CTRB1: variants seen among roughly 807,000 people sequenced by gnomAD.
CTRB1 encodes the protein chymotrypsinogen B.
In CTRB1, 15 loss-of-function variants were observed where a neutral mutation model predicts 20.4. That is an observed-to-expected ratio of 0.74 (90% CI 0.49 to 1.13). The LOEUF (loss-of-function observed/expected upper bound fraction) is 1.13. Among genes scored for constraint, CTRB1 ranks in the 50% most tolerant of loss-of-function variants. The pLI, the probability that CTRB1 is intolerant of heterozygous loss-of-function variation, is 0.00. For synonymous variants in CTRB1, 92 were observed against 128.4 expected, an observed-to-expected ratio of 0.72 and a Z score of 1.92; for missense variants, 227 against 290.1, an observed-to-expected ratio of 0.78 and a Z score of 1.58.
intron 1 of CTRB1, among the ~76,000 whole-genome samples, chr16:75,221,645 C>T (rs946344352): frequency 1.3e-5 from 2 of 152,030 alleles, no homozygotes; most frequent in Non-Finnish European, 2.9e-5. Flanking sequence ...CAGGCGTGAG[C>T]CACTGTGCTG....
chr16:75,219,975 A>G (rs777506038), intron 1 of CTRB1, among the ~76,000 whole-genome samples: 35 of 152,040 alleles, frequency 2.3e-4, no homozygotes, highest in Non-Finnish European at 4.6e-4. Context: ...ACGGTATTCT[A>G]TCCTGTTTTT....
intron 1 of CTRB1, among the ~76,000 whole-genome samples, chr16:75,220,881 C>G (rs557361162): frequency 4.1e-4 from 63 of 152,222 alleles, no homozygotes; most frequent in African/African-American, 1.4e-3. Context: ...GCCTCAGCCT[C>G]CTGAGTAGCT....
intron 1 of CTRB1, 103 bp from the exon 2 acceptor site, chr16:75,222,665 C>T: frequency 7.6e-7 from 1 of 1,309,966 alleles, no homozygotes; most frequent in South Asian, 1.5e-5. Flanking sequence ...AGGTCCTGAG[C>T]TGGCTTCAGT....
rs115013485 is a variant in CTRB1 at position 75,219,097 on chromosome 16, C to T, written c.52+38C>T. 2,579 of 1,560,204 alleles carry T rather than the reference C, an allele frequency of 1.7e-3. 36 individuals carry two copies. In the African/African-American group the frequency reaches 0.031, roughly 19 times the overall value. On this transcript the variant is annotated intron_variant, in intron 1 of 6. Coordinates refer to ENST00000361017, the MANE Select transcript of CTRB1 (RefSeq NM_001906.6). ...GCCCGAGGGGTCTGTCCTGAGGGAG[C>T]CCTGAGCCTGGCTGAGAGGGGGATC... is the stretch of plus-strand genomic sequence containing the variant.
At chr16:75,221,392 C>G (rs980578823) in intron 1 of CTRB1, among the ~76,000 whole-genome samples, 7 of 151,778 alleles carry the variant, frequency 4.6e-5, no homozygotes, top group Non-Finnish European at 8.8e-5. Context: ...TGGAGTTTGG[C>G]TCTGTCACCC....
At chr16:75,220,861 C>G (rs1044393664) in intron 1 of CTRB1, among the ~76,000 whole-genome samples, 4 of 152,058 alleles carry the variant, frequency 2.6e-5, no homozygotes, top group Admixed American at 1.3e-4. Context: ...CAGGTTCAAG[C>G]ATTTCTCCTG....
intron 1 of CTRB1, among the ~76,000 whole-genome samples, chr16:75,221,225 G>T (rs537374125): frequency 7.2e-5 from 11 of 152,146 alleles, no homozygotes; most frequent in Non-Finnish European, 2.9e-5. Flanking sequence ...GTTGGCCCGC[G>T]CACAGGAGTC....
chr16:75,224,617 G>T (rs942022622), intron 6 of CTRB1, 88 bp from the exon 7 acceptor site: 4 of 1,435,926 alleles, frequency 2.8e-6, no homozygotes, highest in Non-Finnish European at 3.8e-6. Context: ...TGGGGTCCTG[G>T]ACTGGACTCT....
In CTRB1 at chr16:75,222,758, TC is replaced by T; in HGVS notation, c.53-3del. 8.4e-6 allele frequency: 13 copies of T among 1,555,860 alleles called. No homozygotes were observed. The highest frequency in any genetic ancestry group is 1.9e-5 in the Admixed American group (1 of 51,290). ...GGGCCTCAGCCCTTATTCACCCCAC[TC>T]CCCCCCAGGCTGCGGGGTCCCCGCC... On this transcript the variant is annotated splice_polypyrimidine_tract_variant and intron_variant, in intron 1 of 6. Coordinates refer to ENST00000361017, the MANE Select transcript of CTRB1 (RefSeq NM_001906.6).
rs2039067206 is a variant in CTRB1 at position 75,220,426 on chromosome 16, C to T, written c.52+1367C>T. 2.6e-5 allele frequency among the ~76,000 whole-genome samples: 4 copies of T among 152,190 alleles called. 1 individual carries two copies. Among genetic ancestry groups the T allele is most frequent in the Middle Eastern group, 6.3e-3 (2 of 316 alleles). On this transcript the variant is annotated intron_variant, in intron 1 of 6. Transcript: ENST00000361017. ...CTTGAACTCCTAACCTCCAGTGATC[C>T]GCCCACCTCAGCCTCCCAAAGTGAT... is the stretch of plus-strand genomic sequence containing the variant.
At chr16:75,219,407 T>TC (rs1298658313) in intron 1 of CTRB1, among the ~76,000 whole-genome samples, 1 of 151,884 alleles carries the variant, frequency 6.6e-6, no homozygotes, top group African/African-American at 2.4e-5. Context: ...TTTTTTTTTT[T>TC]CGAGACAGAA....
At position 75,224,856 on chromosome 16, in the gene CTRB1, C is replaced by T. The variant is rs373142319; in HGVS notation, c.782C>T (p.Ala261Val). 19 of 1,613,770 alleles carry T rather than the reference C, an allele frequency of 1.2e-5. No homozygotes were observed. Among genetic ancestry groups the T allele is most frequent in the African/African-American group, 1.1e-4 (8 of 74,946 alleles). ...ATACCTTGGGTGCAGAAGATCCTGG[C>T]TGCCAACTGAGCCCGCGGCTCCCTC... Reference protein sequence around the residue: ...KLIPWVQKILAAN With the variant: ...KLIPWVQKILVAN The change falls in exon 7 of 7, where the codon GCT (alanine) becomes GTT (valine). Residue 261 changes from alanine to valine, a missense_variant. Transcript: ENST00000361017.
At chr16:75,220,689 C>G (rs1306168046) in intron 1 of CTRB1, among the ~76,000 whole-genome samples, 1 of 152,246 alleles carries the variant, frequency 6.6e-6, no homozygotes, top group African/African-American at 2.4e-5. Context: ...CGTGGAGTTT[C>G]AGCTCATTCA....
At position 75,224,762 on chromosome 16, in the gene CTRB1, A is replaced by C. The variant is rs200547634; in HGVS notation, c.688A>C (p.Ile230Leu). 1 of 1,613,818 alleles carries C rather than the reference A, an allele frequency of 6.2e-7. No homozygotes were observed. Among genetic ancestry groups the C allele is most frequent in the Admixed American group, 1.7e-5 (1 of 60,008 alleles). ...GGATGGAGCCTGGACCCTGGTGGGC[A>C]TTGTGTCCTGGGGCAGCGACACCTG... is the stretch of plus-strand genomic sequence containing the variant. Reference protein sequence around the residue: ...QKDGAWTLVGIVSWGSDTCST... With the variant: ...QKDGAWTLVGLVSWGSDTCST... Residue 230 changes from isoleucine to leucine, a missense_variant, in exon 7 of 7, where the codon ATT becomes CTT. This residue lies in a region of CTRB1 where 108 missense variants were observed against 76.9 expected (regional missense o/e 1.41). Transcript: ENST00000361017.
chr16:75,219,115 G>A (rs2039042482), intron 1 of CTRB1, 56 bp downstream of exon 1: 2 of 1,536,008 alleles, frequency 1.3e-6, no homozygotes, highest in South Asian at 1.2e-5. Flanking sequence ...CTGGCTGAGA[G>A]GGGGATCTGA....
Position 75,224,042 on chromosome 16 carries a change from T to C in CTRB1, c.497-13T>C, listed in dbSNP as rs1309889526. 9.1e-6 allele frequency: 9 copies of C among 989,504 alleles called. No individual in the cohort carries two copies. Among genetic ancestry groups the C allele is most frequent in the Non-Finnish European group, 1.3e-5 (9 of 687,954 alleles). 61.3% of individuals were successfully genotyped at this position (989,504 alleles called of 1,614,324 possible). ...GTGAGCCCAGGGGCCCTGACCCTCC[T>C]CCTGTCCTGCAGCCAACAAGACCCC... On this transcript the variant is annotated splice_polypyrimidine_tract_variant and intron_variant, in intron 5 of 6. Transcript: ENST00000361017.
Position 75,224,854 on chromosome 16 carries a change from G to A in CTRB1, c.780G>A (p.Leu260=). The A allele has an allele frequency of 6.2e-7, 1 of 1,613,874 alleles. No individual in the cohort carries two copies. The highest frequency in any genetic ancestry group is 2.2e-5 in the East Asian group (1 of 44,886). ...TCATACCTTGGGTGCAGAAGATCCT[G>A]GCTGCCAACTGAGCCCGCGGCTCCC... ...TKLIPWVQKI[L]AAN is the part of the protein sequence containing the mutation. Residue 260 remains leucine, a synonymous_variant, in exon 7 of 7, where the codon CTG becomes CTA. Coordinates refer to ENST00000361017, the MANE Select transcript of CTRB1 (RefSeq NM_001906.6).
rs1567571033 is a variant in CTRB1 at position 75,224,083 on chromosome 16, G to A, written c.525G>A (p.Gln175=). 1 of 1,217,520 alleles carries A rather than the reference G, an allele frequency of 8.2e-7. No individual in the cohort carries two copies. The highest frequency in any genetic ancestry group is 1.1e-6 in the Non-Finnish European group (1 of 870,590). The allele number at this position is 1,217,520 out of a possible 1,614,324, so 75.4% of individuals were successfully genotyped here. A position where few individuals can be genotyped will look rare whatever the true frequency, so the allele number is the denominator to read the frequency against. Reference sequence around the variant, plus strand: ...ACAAGACCCCTGACAAGCTGCAGCAGGCAGCCCTGCCCCTCCTGTCCAATG... The same window carrying A: ...ACAAGACCCCTGACAAGCTGCAGCAAGCAGCCCTGCCCCTCCTGTCCAATG... ...NANKTPDKLQ[Q]AALPLLSNAE... The change falls in exon 6 of 7, where the codon CAG becomes CAA. Residue 175 remains glutamine, a synonymous_variant. Transcript: ENST00000361017.
intron 1 of CTRB1, among the ~76,000 whole-genome samples, chr16:75,219,423 C>T (rs188534281): frequency 3.3e-5 from 5 of 151,502 alleles, no homozygotes; most frequent in Admixed American, 2.0e-4. Context: ...CAGAATTTCA[C>T]TCCTATTGCC....
Sources: gnomAD v4.1 joint callset for allele counts (sites outside exome capture counted in the v4.1 genomes callset) on GRCh38, gnomAD v4.1.1 for gene constraint, gnomAD v4.1.1 regional missense constraint, MANE v1.5 for transcripts, NCBI Gene and HGNC (gene_info 2026-07-23, HGNC 2026-07-21) for gene names.